Variants in KLHL6 observed in about 807,000 individuals in gnomAD.
The protein encoded by KLHL6 is kelch like family member 6.
KLHL6 carries 41 observed loss-of-function variants against 58.6 expected under a neutral mutation model. The observed-to-expected ratio is 0.70, with a 90% CI of 0.55 to 0.91. The LOEUF is 0.91. KLHL6 is among the 40% of genes least tolerant of loss of function. The pLI is 0.00. For synonymous variants in KLHL6, 338 were observed against 322.7 expected, an observed-to-expected ratio of 1.05 and a Z score of -0.51; for missense variants, 714 against 805.6, an observed-to-expected ratio of 0.89 and a Z score of 1.38.
intron 3 of KLHL6, among the ~76,000 whole-genome samples, chr3:183,506,469 T>C (rs181737186): frequency 7.0e-4 from 106 of 152,302 alleles, no homozygotes; most frequent in Non-Finnish European, 1.3e-3. Context: ...TTACATATAA[T>C]AAATTCAAAT....
rs190710411 is a variant in KLHL6, at chr3:183,489,811, A to G, written c.*2116T>C. 1.3e-5 allele frequency: 2 copies of G among 152,186 alleles called. 1 individual carries two copies. Among genetic ancestry groups the G allele is most frequent in the East Asian group, 3.8e-4 (2 of 5,196 alleles). The allele number at this position is 152,186 out of a possible 1,614,324, so 9.4% of individuals were successfully genotyped here. ...ATAATCTGGCATAAACAGAAATCTC[A>G]CCTGTAATTTTTCAAGTTTTTAAAA... On this transcript the variant is annotated 3_prime_UTR_variant, in exon 7 of 7. Transcript: ENST00000341319.
chr3:183,514,567 A>G (rs1273827281), intron 2 of KLHL6, among the ~76,000 whole-genome samples: 2 of 152,158 alleles, frequency 1.3e-5, no homozygotes, highest in African/African-American at 4.8e-5. Context: ...TTTTCAACAG[A>G]GAAATCCCCC....
In KLHL6 at chr3:183,508,157, A is replaced by T; in HGVS notation, c.811T>A (p.Phe271Ile). The T allele has an allele frequency of 6.2e-7, 1 of 1,614,204 alleles. No individual in the cohort carries two copies. The highest frequency in any genetic ancestry group is 8.5e-7 in the Non-Finnish European group (1 of 1,180,038). The change falls in exon 3 of 7, where the codon TTT becomes ATT. Residue 271 changes from phenylalanine to isoleucine, a missense_variant. Transcript: ENST00000341319. ...VRLPLLDPWYFVETVEADPLI... is the reference protein window; with the variant it reads ...VRLPLLDPWYIVETVEADPLI... ...GGATCTGCTTCCACCGTCTCCACAA[A>T]GTACCACGGGTCCAGAAGCGGTAAG...
intron 1 of KLHL6, among the ~76,000 whole-genome samples, chr3:183,528,960 C>T (rs1024471064): frequency 4.6e-5 from 7 of 152,260 alleles, no homozygotes; most frequent in Admixed American, 1.3e-4. Flanking sequence ...TGGAATACTA[C>T]GCAGCCATAA....
intron 1 of KLHL6, among the ~76,000 whole-genome samples, chr3:183,552,754 A>G (rs976285874): frequency 1.1e-4 from 16 of 150,686 alleles, no homozygotes; most frequent in Non-Finnish European, 2.1e-4. Flanking sequence ...AAAGCCTCTC[A>G]GACAGAGAGA....
At chr3:183,494,700 G>A (rs1380885083) in intron 4 of KLHL6, among the ~76,000 whole-genome samples, 1 of 152,284 alleles carries the variant, frequency 6.6e-6, no homozygotes, top group East Asian at 1.9e-4. Flanking sequence ...CAAATTACAT[G>A]GCAGCTTAAA....
intron 2 of KLHL6, among the ~76,000 whole-genome samples, chr3:183,517,955 A>T (rs918984442): frequency 1.3e-5 from 2 of 152,234 alleles, no homozygotes; most frequent in Non-Finnish European, 2.9e-5. Context: ...CCCCGTGAAC[A>T]CAGGCAGCTG....
Position 183,499,516 on chromosome 3 carries a change from G to A in KLHL6, c.1147+74C>T, listed in dbSNP as rs1257703636. The A allele has an allele frequency of 2.0e-6, 2 of 979,174 alleles. No individual in the cohort carries two copies. Among genetic ancestry groups the A allele is most frequent in the African/African-American group, 3.2e-5 (2 of 61,602 alleles). 60.7% of individuals were successfully genotyped at this position (979,174 alleles called of 1,614,324 possible). Reference sequence around the variant, plus strand: ...AATTCACAGTAATTCTTCTAGGATGGTTGCCTGGCTGCCACTCAGGAATAT... The same window carrying A: ...AATTCACAGTAATTCTTCTAGGATGATTGCCTGGCTGCCACTCAGGAATAT... On this transcript the variant is annotated intron_variant, in intron 4 of 6. Coordinates refer to ENST00000341319, the MANE Select transcript of KLHL6 (RefSeq NM_130446.4). This position sits in a 1 kb window ranked among gnomAD's most constrained non-coding sequence, Gnocchi z 4.6.
chr3:183,542,885 T>C (rs1712598044), intron 1 of KLHL6, among the ~76,000 whole-genome samples: 1 of 145,750 alleles, frequency 6.9e-6, no homozygotes, highest in Admixed American at 6.6e-5. Context: ...GATGGATGGA[T>C]GGATGGATGG....
chr3:183,520,961 C>G (rs1226475850), intron 2 of KLHL6: 3 of 152,122 alleles, frequency 2.0e-5, no homozygotes, highest in Non-Finnish European at 4.4e-5. Context: ...CAGGTCTTTC[C>G]CTTCCCACGA....
chr3:183,520,364 A>T (rs1214991814), intron 2 of KLHL6: 1 of 152,084 alleles, frequency 6.6e-6, no homozygotes, highest in Non-Finnish European at 1.5e-5. Flanking sequence ...GAAGGAGGCC[A>T]GCTCCTCCAC....
In KLHL6 at chr3:183,555,644, C is replaced by T; in HGVS notation, c.10G>A (p.Ala4Thr). 1 of 1,590,180 alleles carries T rather than the reference C, an allele frequency of 6.3e-7. No individual in the cohort carries two copies. Reference protein sequence around the residue: MLMAGQRGAWTMGD... With the variant: MLMTGQRGAWTMGD... ...ATGGTCCAGGCGCCCCTTTGTCCTG[C>T]CATCAACATCGAGACTGAAGGAGCG... is the stretch of plus-strand genomic sequence containing the variant. Residue 4 changes from alanine to threonine, a missense_variant, in exon 1 of 7, where the codon GCA becomes ACA. Physicochemically the swap from Ala to Thr is moderately conservative, Grantham distance 58. Transcript: ENST00000341319.
chr3:183,522,119 A>C (rs575290387), intron 2 of KLHL6, among the ~76,000 whole-genome samples: 4 of 150,374 alleles, frequency 2.7e-5, no homozygotes, highest in Admixed American at 6.6e-5. Context: ...TGAGGTCAGG[A>C]GTTCGAGACC....
rs573513579 is a variant in KLHL6, at chr3:183,491,534, T to C, written c.*393A>G. ...ATTTTAGACTCCTGGGGTAGCTACT[T>C]GCTATCTGAGTGATCAGGGGCACGC... On this transcript the variant is annotated 3_prime_UTR_variant, in exon 7 of 7. Transcript: ENST00000341319. 1 of 177,116 alleles carries C rather than the reference T, an allele frequency of 5.6e-6. No homozygotes were observed. The highest frequency in any genetic ancestry group is 2.0e-4 in the South Asian group (1 of 5,052). The allele number at this position is 177,116 out of a possible 1,614,324, so 11.0% of individuals were successfully genotyped here. A position where few individuals can be genotyped will look rare whatever the true frequency, so the allele number is the denominator to read the frequency against.
rs1717491159 is a variant in KLHL6, at chr3:183,489,718, A to G, written c.*2209T>C. On this transcript the variant is annotated 3_prime_UTR_variant, in exon 7 of 7. Coordinates refer to ENST00000341319, the MANE Select transcript of KLHL6 (RefSeq NM_130446.4). ...CCCTGTGTTACTTTCCACAGCAGAG[A>G]GCTGAACTGTCACGCTTCTAAGGCA... 6.6e-6 allele frequency: 1 copy of G among 152,222 alleles called. No individual in the cohort carries two copies. Among genetic ancestry groups the G allele is most frequent in the Non-Finnish European group, 1.5e-5 (1 of 68,042 alleles). 9.4% of individuals were successfully genotyped at this position (152,222 alleles called of 1,614,324 possible). A position where few individuals can be genotyped will look rare whatever the true frequency, so the allele number is the denominator to read the frequency against.
chr3:183,517,766 T>C (rs1230834036), intron 2 of KLHL6, among the ~76,000 whole-genome samples: 1 of 152,192 alleles, frequency 6.6e-6, no homozygotes, highest in African/African-American at 2.4e-5. Flanking sequence ...GCAAGTGGCA[T>C]GGCTGGGGCT....
At chr3:183,540,963 C>T (rs939673105) in intron 1 of KLHL6, among the ~76,000 whole-genome samples, 9 of 152,172 alleles carry the variant, frequency 5.9e-5, no homozygotes, top group African/African-American at 1.9e-4. Flanking sequence ...GGCTATTGCC[C>T]GGAGGCTCCA....
rs1238827048 is a variant in KLHL6, at chr3:183,508,094, G to A, written c.874C>T (p.Gln292Ter). The A allele has an allele frequency of 1.2e-6, 2 of 1,614,128 alleles. No individual in the cohort carries two copies. The highest frequency in any genetic ancestry group is 1.7e-6 in the Non-Finnish European group (2 of 1,180,004). ...GAAAGGTGGTACATCCTGGCTTCCT[G>A]GAGCAGCGGGAAGACCTCTGGGCAC... ...RQCPEVFPLL[Q>*]EARMYHLSGN... The change falls in exon 3 of 7, where the codon CAG (glutamine) becomes TAG (stop). Residue 292 changes from glutamine to a stop codon, truncating the protein, a stop_gained. Transcript: ENST00000341319. LOFTEE classifies it high-confidence loss of function.
chr3:183,546,911 C>CTTTT (rs397991831), intron 1 of KLHL6, among the ~76,000 whole-genome samples: 4 of 132,744 alleles, frequency 3.0e-5, no homozygotes, highest in Admixed American at 7.8e-5. Flanking sequence ...TGCCATAAGT[C>CTTTT]TTTTTTTTTT....
Sources: gnomAD v4.1 joint callset for allele counts (sites outside exome capture counted in the v4.1 genomes callset) on GRCh38, gnomAD v4.1.1 for gene constraint, Gnocchi (gnomAD v3.1) non-coding constraint, MANE v1.5 for transcripts, NCBI Gene and HGNC (gene_info 2026-07-23, HGNC 2026-07-21) for gene names.